The following ZNF793 variants were observed in gnomAD, a reference collection of about 807,000 sequenced individuals.
ZNF793 encodes zinc finger protein 793.
In ZNF793, 5 loss-of-function variants were observed where a neutral mutation model predicts 12.4. The ratio of observed to expected loss-of-function variants is 0.40; its 90% CI spans 0.21 to 0.84. The LOEUF is 0.84. Among genes scored for constraint, ZNF793 ranks in the 40% least tolerant of loss-of-function variants. The pLI is 0.35. For synonymous variants in ZNF793, 162 were observed against 172.4 expected, an observed-to-expected ratio of 0.94 and a Z score of 0.47; for missense variants, 456 against 495.0, an observed-to-expected ratio of 0.92 and a Z score of 0.75.
In ZNF793 at chr19:37,537,067, A is replaced by G. The variant is rs746362682; in HGVS notation, c.409A>G (p.Ser137Gly). ...TDLFSSIQSP[S>G]NWNPCGKNLN... ...TCTTTTTTCTTCAATCCAGAGCCCT[A>G]GTAACTGGAACCCTTGTGGAAAGAA... The change falls in exon 8 of 8, where the codon AGT (serine) becomes GGT (glycine). Residue 137 changes from serine (S) to glycine (G), a missense_variant. Physicochemically the swap from Ser to Gly is moderately conservative, Grantham distance 56 (BLOSUM62 0). Coordinates refer to ENST00000627814, the MANE Select transcript of ZNF793 (RefSeq NM_001013659.3). 6.2e-7 allele frequency: 1 copy of G among 1,613,856 alleles called. No individual in the cohort carries two copies. Among genetic ancestry groups the G allele is most frequent in the Non-Finnish European group, 8.5e-7 (1 of 1,179,798 alleles).
chr19:37,525,377 A>G (rs1262829295), intron 5 of ZNF793, among the ~76,000 whole-genome samples: 3 of 149,124 alleles, frequency 2.0e-5, no homozygotes, highest in Non-Finnish European at 4.4e-5. Context: ...TGACCTTGTG[A>G]TCCTCCCGCC....
At chr19:37,529,482 G>A (rs971517327) in intron 5 of ZNF793, among the ~76,000 whole-genome samples, 6 of 151,758 alleles carry the variant, frequency 4.0e-5, no homozygotes, top group African/African-American at 1.5e-4. Flanking sequence ...TCAGTCTGAT[G>A]ATCTCTGCCT....
rs1314640543 is a variant in ZNF793, at chr19:37,542,078, T to G, written c.*4199T>G. ...AATAAATTTTGAAAAACAATGCAAA[T>G]TACTGTTTTGGAAAGAAATCTGGTA... On this transcript the variant is annotated 3_prime_UTR_variant, in exon 8 of 8. Transcript: ENST00000627814. 6.5e-6 allele frequency: 1 copy of G among 153,550 alleles called. No homozygotes were observed. The highest frequency in any genetic ancestry group is 2.0e-4 in the South Asian group (1 of 4,958). The allele number at this position is 153,550 out of a possible 1,614,324, so 9.5% of individuals were successfully genotyped here. A position where few individuals can be genotyped will look rare whatever the true frequency, so the allele number is the denominator to read the frequency against.
rs916892539 is a variant in ZNF793, at chr19:37,532,286, G to A, written c.16-70G>A. 2.5e-5 allele frequency: 39 copies of A among 1,546,654 alleles called. No homozygotes were observed. The African/African-American group carries it at 4.9e-4, about 20-fold the overall frequency. The stretch of plus-strand genomic sequence containing the variant: ...CCCAAAGTGCTGGGATTATAGGCAT[G>A]AGCCACCATGCCTGGCCCTGCACAA... On this transcript the variant is annotated intron_variant, in intron 5 of 7. Coordinates refer to ENST00000627814, the MANE Select transcript of ZNF793 (RefSeq NM_001013659.3).
In ZNF793 at chr19:37,538,957, AT is replaced by A. The variant is rs2042533556; in HGVS notation, c.*1079del. On this transcript the variant is annotated 3_prime_UTR_variant, in exon 8 of 8. Transcript: ENST00000627814. Reference sequence around the variant, plus strand: ...TTTGATGTCTTAACAATACAAAAAAATAACAACAACATGGCCCACTATTGTT... The same window carrying A: ...TTTGATGTCTTAACAATACAAAAAAAAACAACAACATGGCCCACTATTGTT... 1 of 152,246 alleles carries A rather than the reference AT, an allele frequency of 6.6e-6. No homozygotes were observed. The highest frequency in any genetic ancestry group is 2.4e-5 in the African/African-American group (1 of 41,460). 9.4% of individuals were successfully genotyped at this position (152,246 alleles called of 1,614,324 possible).
rs761327794 is a variant in ZNF793, at chr19:37,532,345, TG to T, written c.16-10del. On this transcript the variant is annotated splice_polypyrimidine_tract_variant and intron_variant, in intron 5 of 7. Transcript: ENST00000627814. ...TTTCGACATGACTCAATGTCATTTT[TG>T]TTTCAACAGATACCTGTGTCATTCA... 6.0e-5 allele frequency: 96 copies of T among 1,612,162 alleles called. No individual in the cohort carries two copies. Among genetic ancestry groups the T allele is most frequent in the Non-Finnish European group, 7.5e-5 (89 of 1,178,998 alleles).
chr19:37,530,017 A>G (rs943885477), intron 5 of ZNF793, among the ~76,000 whole-genome samples: 1 of 151,828 alleles, frequency 6.6e-6, no homozygotes, highest in Non-Finnish European at 1.5e-5. Context: ...GGGATGTGGC[A>G]GGGTCATAGG....
chr19:37,522,240 C>T (rs894517958), intron 3 of ZNF793, among the ~76,000 whole-genome samples: 1 of 152,130 alleles, frequency 6.6e-6, no homozygotes, highest in Admixed American at 6.6e-5. Flanking sequence ...TCTTGTCACC[C>T]AGGTTGGAGT....
At position 37,538,354 on chromosome 19, in the gene ZNF793, C is replaced by T. The variant is rs2042527927; in HGVS notation, c.*475C>T. The stretch of plus-strand genomic sequence containing the variant: ...GGAGTGCAATGGCACTATCTCGGCT[C>T]ACTGTAACCTCAGCCTCCCAGGTTC... On this transcript the variant is annotated 3_prime_UTR_variant, in exon 8 of 8. Transcript: ENST00000627814. The T allele has an allele frequency of 6.5e-6, 1 of 152,862 alleles. No individual in the cohort carries two copies. Among genetic ancestry groups the T allele is most frequent in the Non-Finnish European group, 1.5e-5 (1 of 68,698 alleles). 9.5% of individuals were successfully genotyped at this position (152,862 alleles called of 1,614,324 possible).
intron 5 of ZNF793, among the ~76,000 whole-genome samples, chr19:37,530,141 A>G (rs1370308419): frequency 2.6e-5 from 4 of 152,002 alleles, no homozygotes; most frequent in South Asian, 2.1e-4. Flanking sequence ...AAACATCTCA[A>G]TGCCTTACAG....
At position 37,533,418 on chromosome 19, in the gene ZNF793, T is replaced by G. The variant is rs770313095; in HGVS notation, c.238+15T>G. 1.7e-5 allele frequency: 27 copies of G among 1,612,046 alleles called. No homozygotes were observed. The highest frequency in any genetic ancestry group is 2.3e-5 in the Non-Finnish European group (27 of 1,178,192). Reference sequence around the variant, plus strand: ...CCACTGTTGGGGTAAGTGTGATAAATCTAGCAAAAGGGGTACTGAAGGAGG... The same window carrying G: ...CCACTGTTGGGGTAAGTGTGATAAAGCTAGCAAAAGGGGTACTGAAGGAGG... On this transcript the variant is annotated intron_variant, in intron 7 of 7. Transcript: ENST00000627814.
intron 2 of ZNF793, among the ~76,000 whole-genome samples, chr19:37,509,775 T>C (rs1188345638): frequency 6.6e-6 from 1 of 152,202 alleles, no homozygotes; most frequent in Non-Finnish European, 1.5e-5. Context: ...TATATAAATA[T>C]GTAGCTCAAT....
intron 2 of ZNF793, among the ~76,000 whole-genome samples, chr19:37,513,192 T>A (rs1245312053): frequency 6.6e-6 from 1 of 152,192 alleles, no homozygotes; most frequent in African/African-American, 2.4e-5. Flanking sequence ...TAAAGTTATA[T>A]TATTACTAAG....
At chr19:37,523,798 A>G (rs2042392414) in intron 5 of ZNF793, among the ~76,000 whole-genome samples, 2 of 152,164 alleles carry the variant, frequency 1.3e-5, no homozygotes, top group African/African-American at 4.8e-5. Context: ...GGCTGCCCCG[A>G]GGAGGGTAGA....
intron 2 of ZNF793, among the ~76,000 whole-genome samples, chr19:37,512,419 G>T (rs1434902308): frequency 6.6e-6 from 1 of 152,038 alleles, no homozygotes; most frequent in Non-Finnish European, 1.5e-5. Context: ...GGAGGCTGAG[G>T]CAGGAGAATC....
chr19:37,521,983 C>T (rs1400515082), intron 3 of ZNF793, among the ~76,000 whole-genome samples: 1 of 151,996 alleles, frequency 6.6e-6, no homozygotes, highest in Non-Finnish European at 1.5e-5. Context: ...CTCCTTTACC[C>T]ATAAGTACTT....
chr19:37,530,631 G>A (rs551892852), intron 5 of ZNF793, among the ~76,000 whole-genome samples: 18 of 152,244 alleles, frequency 1.2e-4, no homozygotes, highest in African/African-American at 3.6e-4. Flanking sequence ...CAGAGAGCAC[G>A]GGGTTGGGGG....
At chr19:37,535,530 A>AT (rs1008518018) in intron 7 of ZNF793, 42 of 147,084 alleles carry the variant, frequency 2.9e-4, no homozygotes, top group South Asian at 8.8e-4. Flanking sequence ...TCAAAAAAAA[A>AT]TTTTTTTTTT....
In ZNF793 at chr19:37,532,432, C is replaced by T; in HGVS notation, c.92C>T (p.Ala31Val). The part of the protein sequence containing the change: ...EWHRLSPAQR[A>V]LYRDVMLETY... ...CACCGGCTGAGTCCTGCTCAGAGGG[C>T]CCTGTACCGGGATGTGATGCTGGAA... The change falls in exon 6 of 8, where the codon GCC becomes GTC. Residue 31 changes from alanine to valine, a missense_variant. Physicochemically the swap from Ala to Val is moderately conservative, Grantham distance 64. Transcript: ENST00000627814. 6.2e-7 allele frequency: 1 copy of T among 1,613,838 alleles called. No individual in the cohort carries two copies. Among genetic ancestry groups the T allele is most frequent in the Middle Eastern group, 1.7e-4 (1 of 6,058 alleles).
Sources: allele counts gnomAD v4.1 joint callset (sites outside exome capture counted in the v4.1 genomes callset), GRCh38; gene constraint gnomAD v4.1.1; transcripts MANE v1.5; gene names NCBI Gene and HGNC (gene_info 2026-07-23, HGNC 2026-07-21).